The following DIS3L variants were observed in gnomAD, a reference collection of about 807,000 sequenced individuals.
The protein encoded by DIS3L is DIS3 like exosome 3'-5' exoribonuclease, also known as DIS3-like exonuclease 1.
Under a neutral mutation model 120.3 loss-of-function variants are expected in DIS3L, and 100 were observed. The observed-to-expected ratio is 0.83, with a 90% CI of 0.71 to 0.98. The LOEUF is 0.98. DIS3L is among the 50% of genes least tolerant of loss of function. DIS3L has a pLI of 0.00. For missense variants in DIS3L, 1,196 were observed against 1,314.2 expected, an observed-to-expected ratio of 0.91 and a Z score of 1.39; for synonymous variants, 426 against 470.6, an observed-to-expected ratio of 0.91 and a Z score of 1.23.
Position 66,293,938 on chromosome 15 carries a change from C to T in DIS3L, c.139+203C>T, listed in dbSNP as rs537297283. On this transcript the variant is annotated intron_variant, in intron 1 of 16. Coordinates refer to ENST00000319212, the MANE Select transcript of DIS3L (RefSeq NM_001143688.3). Reference sequence around the variant, plus strand: ...CCGGGTCCGCGGCTTCTGGGGCGCCCGGGACTCCCTTACTGCTCCGCCCTG... The same window carrying T: ...CCGGGTCCGCGGCTTCTGGGGCGCCTGGGACTCCCTTACTGCTCCGCCCTG... The T allele has an allele frequency of 9.0e-5, 90 of 997,070 alleles. No individual in the cohort carries two copies. The African/African-American group carries it at 1.5e-3, about 17-fold the overall frequency. The allele number at this position is 997,070 out of a possible 1,614,324, so 61.8% of individuals were successfully genotyped here. A position where few individuals can be genotyped will look rare whatever the true frequency, so the allele number is the denominator to read the frequency against.
intron 4 of DIS3L, among the ~76,000 whole-genome samples, chr15:66,310,817 G>A (rs1286929715): frequency 6.6e-5 from 10 of 151,798 alleles, no homozygotes; most frequent in Non-Finnish European, 1.5e-4. Context: ...CAGACTTAAA[G>A]TTGAGTTAAA....
intron 8 of DIS3L, among the ~76,000 whole-genome samples, chr15:66,319,780 T>G (rs1217614787): frequency 6.6e-6 from 1 of 151,848 alleles, no homozygotes; most frequent in Non-Finnish European, 1.5e-5. Flanking sequence ...GGGGATTCAG[T>G]TTACACGACA....
intron 11 of DIS3L, among the ~76,000 whole-genome samples, chr15:66,324,404 C>T (rs899262473): frequency 1.3e-5 from 2 of 152,140 alleles, no homozygotes; most frequent in Non-Finnish European, 2.9e-5. Context: ...AACTCCTGTG[C>T]TCAAGTGATC....
intron 5 of DIS3L, among the ~76,000 whole-genome samples, chr15:66,313,006 TA>T (rs1159711940): frequency 6.6e-6 from 1 of 152,070 alleles, no homozygotes; most frequent in Non-Finnish European, 1.5e-5. Context: ...TTTTTATTTT[TA>T]TTTTTTTGAG....
At chr15:66,332,215 G>A (rs763679087) in intron 15 of DIS3L, among the ~76,000 whole-genome samples, 195 bp downstream of exon 15, 1 of 152,168 alleles carries the variant, frequency 6.6e-6, no homozygotes, top group Non-Finnish European at 1.5e-5. Context: ...CCAGCACTTT[G>A]GGAGGCCAAG....
intron 2 of DIS3L, among the ~76,000 whole-genome samples, chr15:66,295,837 A>G (rs1362891703): frequency 6.6e-6 from 1 of 152,254 alleles, no homozygotes; most frequent in Non-Finnish European, 1.5e-5. Context: ...TATTAGAATT[A>G]TACGTCCAAC....
rs1200174871 is a variant in DIS3L at position 66,293,735 on chromosome 15, G to A, written c.139G>A (p.Asp47Asn). 2 of 1,266,340 alleles carry A rather than the reference G, an allele frequency of 1.6e-6. No homozygotes were observed. Among genetic ancestry groups the A allele is most frequent in the Non-Finnish European group, 2.0e-6 (2 of 1,003,552 alleles). The allele number at this position is 1,266,340 out of a possible 1,614,324, so 78.4% of individuals were successfully genotyped here. A position where few individuals can be genotyped will look rare whatever the true frequency, so the allele number is the denominator to read the frequency against. The stretch of plus-strand genomic sequence containing the variant: ...CCCGCAGCCCGCCGCCTGCAGCCAC[G>A]GTCAGGGCCGGGGCGGGGGCGGGGA... ...LCPQPAACSH[D>N]GKLLSSDVTH... The change falls in exon 1 of 17, where the codon GAT becomes AAT. Residue 47 changes from aspartate to asparagine, a missense_variant and splice_region_variant. Physicochemically the swap from Asp to Asn is conservative, Grantham distance 23 (BLOSUM62 1). Coordinates refer to ENST00000319212, the MANE Select transcript of DIS3L (RefSeq NM_001143688.3).
intron 7 of DIS3L, among the ~76,000 whole-genome samples, chr15:66,318,159 A>G (rs893214627): frequency 6.6e-6 from 1 of 151,998 alleles, no homozygotes; most frequent in African/African-American, 2.4e-5. Context: ...TTTTTAGTAG[A>G]GGTGGGGTTT....
At chr15:66,318,704 G>A in intron 8 of DIS3L, 86 bp downstream of exon 8, 2 of 1,368,870 alleles carry the variant, frequency 1.5e-6, no homozygotes, top group Non-Finnish European at 2.0e-6. Context: ...AGAAAGCATT[G>A]TTAATTCCTT....
chr15:66,296,974 A>G (rs1219137249), intron 2 of DIS3L, among the ~76,000 whole-genome samples: 1 of 152,208 alleles, frequency 6.6e-6, no homozygotes, highest in East Asian at 1.9e-4. Context: ...GAGTGGAGCA[A>G]TTAGGCCAAA....
rs1187423144 is a variant in DIS3L, at chr15:66,304,992, C to G, written c.294-1832C>G. ...ATTAGAATTACTAAGAAAATAAAAT[C>G]GATTTCTTTTTTTTTTTTTTTTTTT... On this transcript the variant is annotated intron_variant, in intron 2 of 16. Transcript: ENST00000319212. 2.1e-5 allele frequency among the ~76,000 whole-genome samples: 3 copies of G among 143,892 alleles called. No individual in the cohort carries two copies. In the East Asian group the frequency reaches 6.0e-4, roughly 29 times the overall value. The allele number at this position is 143,892 out of a possible 152,430, so 94.4% of individuals were successfully genotyped here. A position where few individuals can be genotyped will look rare whatever the true frequency, so the allele number is the denominator to read the frequency against.
Position 66,318,459 on chromosome 15 carries a change from G to A in DIS3L, c.1005G>A (p.Val335=). ...PSEPMPTGRV[V]GILQKNWRDY... ...TTTGTTTTGCCAAAGGTCGAGTGGT[G>A]GGCATACTTCAGAAGAACTGGCGGG... Residue 335 remains valine, a synonymous_variant, in exon 8 of 17, where the codon GTG becomes GTA. Coordinates refer to ENST00000319212, the MANE Select transcript of DIS3L (RefSeq NM_001143688.3). 2 of 1,613,756 alleles carry A rather than the reference G, an allele frequency of 1.2e-6. No individual in the cohort carries two copies. The highest frequency in any genetic ancestry group is 2.2e-5 in the East Asian group (1 of 44,866).
chr15:66,320,590 G>A lies in DIS3L; in HGVS notation c.1184G>A (p.Arg395His), dbSNP rs374863384. Residue 395 changes from arginine to histidine, a missense_variant, in exon 9 of 17, where the codon CGC (arginine) becomes CAC (histidine). Arg to His is a conservative substitution (Grantham distance 29). Coordinates refer to ENST00000319212, the MANE Select transcript of DIS3L (RefSeq NM_001143688.3). Reference protein sequence around the residue: ...ETLQDFRVVVRIDSWESTSVY... With the variant: ...ETLQDFRVVVHIDSWESTSVY... Reference sequence around the variant, plus strand: ...GTGCAGGACTTCAGGGTGGTCGTGCGCATCGATTCCTGGGAGTCAACATCT... The same window carrying A: ...GTGCAGGACTTCAGGGTGGTCGTGCACATCGATTCCTGGGAGTCAACATCT... 1.6e-5 allele frequency: 26 copies of A among 1,613,104 alleles called. No individual in the cohort carries two copies. Among genetic ancestry groups the A allele is most frequent in the East Asian group, 6.7e-5 (3 of 44,840 alleles).
At chr15:66,295,211 GA>G in intron 2 of DIS3L, 70 bp downstream of exon 2, 1 of 1,444,136 alleles carries the variant, frequency 6.9e-7, no homozygotes, top group Admixed American at 2.0e-5. Flanking sequence ...TCCCTTGTCG[GA>G]GGGGGATGGG....
In DIS3L at chr15:66,320,642, T is replaced by A. The variant is rs999346237; in HGVS notation, c.1236T>A (p.Arg412=). ...TGTATCCAAATGGACATTTTGTGCG[T>A]GTTTTAGGAAGAATCGGAGATCTGG... ...TSVYPNGHFV[R]VLGRIGDLEG... The change falls in exon 9 of 17, where the codon CGT becomes CGA. Residue 412 remains arginine (R), a synonymous_variant. Coordinates refer to ENST00000319212, the MANE Select transcript of DIS3L (RefSeq NM_001143688.3). The A allele has an allele frequency of 1.2e-6, 2 of 1,614,122 alleles. No individual in the cohort carries two copies. Among genetic ancestry groups the A allele is most frequent in the Non-Finnish European group, 1.7e-6 (2 of 1,180,008 alleles).
rs2092558003 is a variant in DIS3L at position 66,294,131 on chromosome 15, C to G, written c.139+396C>G. On this transcript the variant is annotated intron_variant, in intron 1 of 16. Coordinates refer to ENST00000319212, the MANE Select transcript of DIS3L (RefSeq NM_001143688.3). ...GGAGCCCCCGGGAGCTACAGGCCAGCTGCTGCCGCTGCGAAGCTGACATCG... is the reference window on the plus strand; with the variant it reads ...GGAGCCCCCGGGAGCTACAGGCCAGGTGCTGCCGCTGCGAAGCTGACATCG... The G allele has an allele frequency of 3.0e-6, 3 of 985,530 alleles. No homozygotes were observed. The South Asian group carries it at 1.4e-4, about 46-fold the overall frequency. 61.0% of individuals were successfully genotyped at this position (985,530 alleles called of 1,614,324 possible).
chr15:66,301,770 C>T (rs1430961565), intron 2 of DIS3L, among the ~76,000 whole-genome samples: 1 of 151,846 alleles, frequency 6.6e-6, no homozygotes, highest in African/African-American at 2.4e-5. Context: ...AACTGTAAGC[C>T]CACATGTCTA....
At chr15:66,299,508 T>G (rs911326710) in intron 2 of DIS3L, among the ~76,000 whole-genome samples, 6 of 147,834 alleles carry the variant, frequency 4.1e-5, no homozygotes, top group African/African-American at 1.5e-4. Flanking sequence ...ATCACGCCGT[T>G]GCACTCCCGT....
At position 66,329,211 on chromosome 15, in the gene DIS3L, C is replaced by T; in HGVS notation, c.2357-10C>T. The T allele has an allele frequency of 6.3e-7, 1 of 1,586,204 alleles. No individual in the cohort carries two copies. Among genetic ancestry groups the T allele is most frequent in the Non-Finnish European group, 8.6e-7 (1 of 1,168,200 alleles). ...TTTGTTTATTTTGATCTTTTGCTTTCTTTTTGAAGGTCTTGCATTAGATAA... is the reference window on the plus strand; with the variant it reads ...TTTGTTTATTTTGATCTTTTGCTTTTTTTTTGAAGGTCTTGCATTAGATAA... On this transcript the variant is annotated splice_polypyrimidine_tract_variant and intron_variant, in intron 13 of 16. Coordinates refer to ENST00000319212, the MANE Select transcript of DIS3L (RefSeq NM_001143688.3).
Sources: allele counts gnomAD v4.1 joint callset (sites outside exome capture counted in the v4.1 genomes callset), GRCh38; gene constraint gnomAD v4.1.1; transcripts MANE v1.5; gene names NCBI Gene and HGNC (gene_info 2026-07-23, HGNC 2026-07-21).